The following GIP variants were observed in gnomAD, a reference collection of about 807,000 sequenced individuals.
The protein encoded by GIP is gastric inhibitory polypeptide.
GIP carries 16 observed loss-of-function variants against 18.1 expected under a neutral mutation model. The observed-to-expected ratio is 0.88, with a 90% CI of 0.60 to 1.34. GIP has a LOEUF of 1.34. Among genes scored for constraint, GIP ranks in the 40% most tolerant of loss-of-function variants. GIP has a pLI of 0.00. For missense variants in GIP, 192 were observed against 183.4 expected (o/e 1.05, Z -0.27); for synonymous variants, 76 against 74.0 (o/e 1.03, Z -0.14).
chr17:48,958,804 C>G (rs1237239799), intron 5 of GIP, 88 bp from the exon 6 acceptor site: 3 of 847,610 alleles, frequency 3.5e-6, no homozygotes, highest in Non-Finnish European at 5.7e-6. Context: ...CATTGTTGAA[C>G]CCCTCCTACC....
chr17:48,958,894 G>A (rs566812786), intron 5 of GIP, among the ~76,000 whole-genome samples, 178 bp from the exon 6 acceptor site: 35 of 145,706 alleles, frequency 2.4e-4, no homozygotes, highest in Middle Eastern at 3.6e-3. Flanking sequence ...TCGCTCTGTC[G>A]CCCAGGCTGG....
At chr17:48,962,670 G>A (rs1399946082) in intron 3 of GIP, among the ~76,000 whole-genome samples, 3 of 152,018 alleles carry the variant, frequency 2.0e-5, no homozygotes, top group African/African-American at 4.8e-5. Context: ...CCTGGCCCTA[G>A]CCAATCCTGT....
At chr17:48,959,187 T>C (rs1268794837) in intron 5 of GIP, among the ~76,000 whole-genome samples, 1 of 152,130 alleles carries the variant, frequency 6.6e-6, no homozygotes, top group Non-Finnish European at 1.5e-5. Flanking sequence ...ACAGTCTCAC[T>C]GTGGTGCCCA....
chr17:48,962,732 C>T (rs537393840), intron 3 of GIP, among the ~76,000 whole-genome samples: 2 of 152,244 alleles, frequency 1.3e-5, no homozygotes, highest in East Asian at 1.9e-4. Context: ...AGAAGGAGCT[C>T]GTCTCTCCCT....
rs145543549 is a variant in GIP at position 48,966,300 on chromosome 17, A to G, written c.86+847T>C. ...CCAGGCACAGGGATTACATGCCTTC[A>G]ATCCCAGCGCTTTGGGAGGCCAAGG... On this transcript the variant is annotated intron_variant, in intron 2 of 5. Transcript: ENST00000357424. 6.2e-3 allele frequency among the ~76,000 whole-genome samples: 931 copies of G among 150,210 alleles called. 7 individuals are homozygous for G. The highest frequency in any genetic ancestry group is 0.022 in the African/African-American group (883 of 40,690).
chr17:48,958,808 T>A, intron 5 of GIP, 92 bp from the exon 6 acceptor site: 1 of 824,772 alleles, frequency 1.2e-6, no homozygotes, highest in South Asian at 1.6e-5. Flanking sequence ...GTTGAACCCC[T>A]CCTACCTTCA....
At chr17:48,966,066 T>C (rs777593842) in intron 2 of GIP, among the ~76,000 whole-genome samples, 1 of 151,852 alleles carries the variant, frequency 6.6e-6, no homozygotes, top group Non-Finnish European at 1.5e-5. Flanking sequence ...AAGACCAGCA[T>C]GGCCAAGATG....
chr17:48,958,793 C>T (rs2041183069), intron 5 of GIP, 77 bp from the exon 6 acceptor site: 2 of 1,117,034 alleles, frequency 1.8e-6, no homozygotes, highest in Non-Finnish European at 2.7e-6. Flanking sequence ...TGGGACCCAA[C>T]CATTGTTGAA....
At chr17:48,960,498 G>A (rs1204118739) in intron 5 of GIP, among the ~76,000 whole-genome samples, 1 of 151,844 alleles carries the variant, frequency 6.6e-6, no homozygotes, top group East Asian at 1.9e-4. Flanking sequence ...CGGGGCATAG[G>A]ATGGGCTCTG....
intron 2 of GIP, among the ~76,000 whole-genome samples, chr17:48,964,758 G>A (rs1384570661): frequency 2.0e-5 from 3 of 152,144 alleles, no homozygotes; most frequent in Non-Finnish European, 4.4e-5. Flanking sequence ...CACTTTGGGA[G>A]GCCAAGGCAG....
chr17:48,962,733 G>C (rs966018132), intron 3 of GIP, among the ~76,000 whole-genome samples: 1 of 152,082 alleles, frequency 6.6e-6, no homozygotes, highest in Non-Finnish European at 1.5e-5. Flanking sequence ...GAAGGAGCTC[G>C]TCTCTCCCTT....
At chr17:48,964,034 C>T (rs1420097699) in intron 3 of GIP, among the ~76,000 whole-genome samples, 1 of 150,452 alleles carries the variant, frequency 6.6e-6, no homozygotes, top group Non-Finnish European at 1.5e-5. Flanking sequence ...GTGGCAGTTG[C>T]CTGTAGTCCC....
chr17:48,962,699 C>T (rs893679258), intron 3 of GIP, among the ~76,000 whole-genome samples: 1 of 152,114 alleles, frequency 6.6e-6, no homozygotes, highest in East Asian at 1.9e-4. Flanking sequence ...TCTAAAGTGG[C>T]CACCGCCAAG....
intron 1 of GIP, among the ~76,000 whole-genome samples, chr17:48,967,928 T>G (rs2143855214): frequency 6.6e-6 from 1 of 151,904 alleles, no homozygotes; most frequent in African/African-American, 2.4e-5. Flanking sequence ...GGTGCGCGCC[T>G]GTGATCCCAG....
intron 5 of GIP, among the ~76,000 whole-genome samples, chr17:48,959,319 A>G (rs1029458371): frequency 5.3e-5 from 8 of 152,188 alleles, no homozygotes; most frequent in Non-Finnish European, 1.5e-5. Flanking sequence ...TAAGTAATCA[A>G]AATAATTCAC....
intron 1 of GIP, 106 bp from the exon 2 acceptor site, chr17:48,967,359 C>CTTTTTTTTTT (rs369779985): frequency 4.4e-6 from 2 of 457,186 alleles, no homozygotes; most frequent in African/African-American, 4.7e-5. Flanking sequence ...TTTCCTTTTT[C>CTTTTTTTTTT]TTTTTTTTTT....
At chr17:48,965,986 G>A (rs537888255) in intron 2 of GIP, among the ~76,000 whole-genome samples, 4 of 152,078 alleles carry the variant, frequency 2.6e-5, no homozygotes, top group Admixed American at 1.3e-4. Flanking sequence ...CAGGCCAGGC[G>A]CAGTGGCTCA....
chr17:48,958,751 A>G, intron 5 of GIP, 35 bp from the exon 6 acceptor site: 2 of 1,563,202 alleles, frequency 1.3e-6, no homozygotes, highest in Non-Finnish European at 1.7e-6. Context: ...GAAGGTTGTT[A>G]TGGACTTGGA....
intron 2 of GIP, among the ~76,000 whole-genome samples, 181 bp downstream of exon 2, chr17:48,966,966 A>G (rs1789117021): frequency 6.6e-6 from 1 of 152,188 alleles, no homozygotes; most frequent in Non-Finnish European, 1.5e-5. Flanking sequence ...AGCAGCACAC[A>G]ATAAATCCTC....
Sources: gnomAD v4.1 joint callset for allele counts (sites outside exome capture counted in the v4.1 genomes callset) on GRCh38, gnomAD v4.1.1 for gene constraint, MANE v1.5 for transcripts, NCBI Gene and HGNC (gene_info 2026-07-23, HGNC 2026-07-21) for gene names.